TCP11L2: variants seen among roughly 807,000 people sequenced by gnomAD.
TCP11L2 encodes the protein t-complex 11 like 2.
TCP11L2 carries 39 observed loss-of-function variants against 50.7 expected under a neutral mutation model. That is an observed-to-expected ratio of 0.77 (90% CI 0.60 to 1.01). TCP11L2 has a LOEUF of 1.01. Ranked by LOEUF, TCP11L2 falls within the 50% of genes least tolerant of loss-of-function variation. The pLI, the probability that TCP11L2 is intolerant of heterozygous loss-of-function variation, is 0.00. For missense variants in TCP11L2, 612 were observed against 614.7 expected (o/e 1.00, Z 0.05); for synonymous variants, 192 against 219.3 (o/e 0.88, Z 1.10).
In TCP11L2 at chr12:106,346,590, C is replaced by A. The variant is rs1379112187; in HGVS notation, c.*60C>A. ...CAGTACTTTGGTATCCAGTCCACTT[C>A]CATTGATGGCATTAGAGATCCAGCA... On this transcript the variant is annotated 3_prime_UTR_variant, in exon 10 of 10. Coordinates refer to ENST00000299045, the MANE Select transcript of TCP11L2 (RefSeq NM_152772.3). The A allele has an allele frequency of 1.3e-6, 2 of 1,553,922 alleles. No individual in the cohort carries two copies. The highest frequency in any genetic ancestry group is 2.7e-5 in the African/African-American group (2 of 73,492).
intron 4 of TCP11L2, 31 bp from the exon 5 acceptor site, chr12:106,321,455 A>G: frequency 6.4e-7 from 1 of 1,554,146 alleles, no homozygotes; most frequent in Non-Finnish European, 8.8e-7. Flanking sequence ...TCACATCATG[A>G]TGCTGTTAAT....
chr12:106,330,527 G>T (rs2035710325), intron 6 of TCP11L2, among the ~76,000 whole-genome samples: 1 of 152,026 alleles, frequency 6.6e-6, no homozygotes, highest in East Asian at 1.9e-4. Flanking sequence ...CAACAACGAA[G>T]AATTATCCAG....
At chr12:106,310,411 C>T (rs2034809497) in intron 1 of TCP11L2, among the ~76,000 whole-genome samples, 1 of 152,202 alleles carries the variant, frequency 6.6e-6, no homozygotes, top group Non-Finnish European at 1.5e-5. Flanking sequence ...AAAGACTTGC[C>T]AGCCAGAGGT....
chr12:106,306,301 TGTC>T (rs2034631715), intron 1 of TCP11L2, among the ~76,000 whole-genome samples: 1 of 152,252 alleles, frequency 6.6e-6, no homozygotes, highest in African/African-American at 2.4e-5. Flanking sequence ...AATACCATGT[TGTC>T]TACCTTTTTC....
chr12:106,334,024 A>C (rs909097780), intron 6 of TCP11L2, among the ~76,000 whole-genome samples: 3 of 152,198 alleles, frequency 2.0e-5, no homozygotes. Context: ...GAGATTGAAG[A>C]GTACCAAATC....
chr12:106,306,062 G>C (rs1185541968), intron 1 of TCP11L2, among the ~76,000 whole-genome samples: 2 of 152,316 alleles, frequency 1.3e-5, no homozygotes, highest in African/African-American at 2.4e-5. Flanking sequence ...TTTAGGCACT[G>C]TTCAAGAAGG....
rs528393938 is a variant in TCP11L2, at chr12:106,340,680, A to G, written c.1143-146A>G. 51 of 547,764 alleles carry G rather than the reference A, an allele frequency of 9.3e-5. 1 individual carries two copies. The South Asian group carries it at 1.5e-3, about 16-fold the overall frequency. 33.9% of individuals were successfully genotyped at this position (547,764 alleles called of 1,614,324 possible). A position where few individuals can be genotyped will look rare whatever the true frequency, so the allele number is the denominator to read the frequency against. On this transcript the variant is annotated intron_variant, in intron 8 of 9. Transcript: ENST00000299045. ...AGAAGGTTGGTGGTTGGGAGGAGTT[A>G]CTATTTTATGAGTTCATTCTAATAG...
At chr12:106,331,094 A>G (rs2035732477) in intron 6 of TCP11L2, among the ~76,000 whole-genome samples, 1 of 152,228 alleles carries the variant, frequency 6.6e-6, no homozygotes, top group Admixed American at 6.5e-5. Flanking sequence ...CAAATTAAGT[A>G]TGAGACTCAA....
At position 106,314,440 on chromosome 12, in the gene TCP11L2, G is replaced by C; in HGVS notation, c.240G>C (p.Glu80Asp). Residue 80 changes from glutamate (E) to aspartate (D), a missense_variant, in exon 3 of 10, where the codon GAG (glutamate) becomes GAC (aspartate). Transcript: ENST00000299045. ...RNLSNLTLAH[E>D]IAVNENFQLK... ...TATCAAACTTGACTCTTGCTCATGA[G>C]ATTGCTGTAAATGAGAACTTTCAAT... 2 of 1,613,854 alleles carry C rather than the reference G, an allele frequency of 1.2e-6. No individual in the cohort carries two copies. The highest frequency in any genetic ancestry group is 1.7e-6 in the Non-Finnish European group (2 of 1,179,838).
intron 6 of TCP11L2, among the ~76,000 whole-genome samples, chr12:106,328,912 G>A (rs1014184206): frequency 9.2e-5 from 14 of 152,264 alleles, no homozygotes; most frequent in African/African-American, 2.9e-4. Flanking sequence ...CTCAGATCCC[G>A]GGAAGGAGTC....
intron 9 of TCP11L2, among the ~76,000 whole-genome samples, chr12:106,344,504 T>G (rs1011595641): frequency 6.6e-6 from 1 of 152,154 alleles, no homozygotes; most frequent in Non-Finnish European, 1.5e-5. Flanking sequence ...GAAGGATGCC[T>G]CTGATTCTGG....
chr12:106,309,778 T>C (rs2034776664), intron 1 of TCP11L2, among the ~76,000 whole-genome samples: 2 of 151,762 alleles, frequency 1.3e-5, no homozygotes, highest in Admixed American at 1.3e-4. Flanking sequence ...CTTTGTTTGG[T>C]TACTTTCCCC....
chr12:106,302,415 C>A (rs541511271), upstream of TCP11L2, among the ~76,000 whole-genome samples: 2 of 135,376 alleles, frequency 1.5e-5, no homozygotes, highest in African/African-American at 2.8e-5. Flanking sequence ...TCAGCCCCCG[C>A]TCCCCCACTC....
At chr12:106,309,135 C>A (rs1479131366) in intron 1 of TCP11L2, among the ~76,000 whole-genome samples, 1 of 152,202 alleles carries the variant, frequency 6.6e-6, no homozygotes, top group Non-Finnish European at 1.5e-5. Context: ...AGAGAGGAAG[C>A]AAACTAGAGG....
intron 6 of TCP11L2, among the ~76,000 whole-genome samples, chr12:106,326,357 A>C (rs1592959419): frequency 6.6e-6 from 1 of 151,802 alleles, no homozygotes; most frequent in East Asian, 1.9e-4. Flanking sequence ...GGCCCCATCC[A>C]CCCTCCCTGT....
chr12:106,298,007 G>C (rs567697749), upstream of TCP11L2, among the ~76,000 whole-genome samples: 3 of 152,296 alleles, frequency 2.0e-5, no homozygotes, highest in East Asian at 5.8e-4. Flanking sequence ...GGTGTAGGGA[G>C]CACTAAGAAT....
chr12:106,320,903 G>A (rs2264815), intron 4 of TCP11L2, among the ~76,000 whole-genome samples: 89,958 of 152,000 alleles, frequency 0.59, 26,855 homozygotes, highest in East Asian at 0.78. Context: ...TTCTTCCCCA[G>A]TTTAACCTAC....
intron 9 of TCP11L2, among the ~76,000 whole-genome samples, chr12:106,341,437 G>T (rs2036092095): frequency 1.3e-5 from 2 of 152,210 alleles, no homozygotes; most frequent in Non-Finnish European, 2.9e-5. Flanking sequence ...TTTTGTAATG[G>T]TCAGCCAGGA....
chr12:106,338,867 A>G (rs1376951704), intron 8 of TCP11L2, among the ~76,000 whole-genome samples: 1 of 152,216 alleles, frequency 6.6e-6, no homozygotes, highest in African/African-American at 2.4e-5. Context: ...CAGGCTGGGC[A>G]CGGTGGCTCA....
Sources: allele counts gnomAD v4.1 joint callset (sites outside exome capture counted in the v4.1 genomes callset), GRCh38; gene constraint gnomAD v4.1.1; transcripts MANE v1.5; gene names NCBI Gene and HGNC (gene_info 2026-07-23, HGNC 2026-07-21).